The following SKIC3 variants were observed in gnomAD, a reference collection of about 807,000 sequenced individuals.
SKIC3 encodes superkiller complex protein 3.
chr5:95,548,453 G>T, the SKIC3 span: 1 of 151,902 alleles, frequency 6.6e-6, no homozygotes, highest in Admixed American at 6.6e-5. Context: ...TCTACAGCTA[G>T]AACCAGATTC....
At chr5:95,512,665 A>G in the SKIC3 span, 17 of 1,607,896 alleles carry the variant, frequency 1.1e-5, no homozygotes, top group Admixed American at 2.8e-4. Flanking sequence ...TAAATGTGTC[A>G]ATAAAAATTA....
chr5:95,533,352 T>A, the SKIC3 span, among the ~76,000 whole-genome samples: 1 of 152,160 alleles, frequency 6.6e-6, no homozygotes, highest in South Asian at 2.1e-4. Flanking sequence ...CTGTACATAC[T>A]GAAGTACTTT....
At chr5:95,524,977 A>AG in the SKIC3 span, among the ~76,000 whole-genome samples, 1 of 151,928 alleles carries the variant, frequency 6.6e-6, no homozygotes, top group African/African-American at 2.4e-5. Context: ...TCCACCCCCC[A>AG]GGTTCAAGCA....
chr5:95,515,702 TG>T, the SKIC3 span, among the ~76,000 whole-genome samples: 1 of 152,132 alleles, frequency 6.6e-6, no homozygotes, highest in Non-Finnish European at 1.5e-5. Context: ...CAGTCTTTTT[TG>T]CAGGGACTTA....
chr5:95,535,396 C>T, the SKIC3 span, among the ~76,000 whole-genome samples: 1 of 150,556 alleles, frequency 6.6e-6, no homozygotes, highest in African/African-American at 2.4e-5. Context: ...CTGCAACCTC[C>T]GCCTCCCGGG....
chr5:95,484,514 T>A, the SKIC3 span, among the ~76,000 whole-genome samples: 1 of 151,974 alleles, frequency 6.6e-6, no homozygotes, highest in South Asian at 2.1e-4. Context: ...GACCGGTTAA[T>A]TTTTTAATTT....
At chr5:95,524,424 T>C in the SKIC3 span, 2 of 1,610,218 alleles carry the variant, frequency 1.2e-6, no homozygotes, top group Non-Finnish European at 1.7e-6. Context: ...GATTTTATAA[T>C]GCCATTTCAA....
At chr5:95,468,106 T>G in the SKIC3 span, 59 of 1,287,826 alleles carry the variant, frequency 4.6e-5, no homozygotes, top group South Asian at 7.9e-4. Flanking sequence ...AGTGTCTGAT[T>G]ATGATTTTTT....
chr5:95,497,350 A>C, the SKIC3 span: 1 of 1,338,036 alleles, frequency 7.5e-7, no homozygotes. Context: ...CATAGTTTAA[A>C]ATTATCATAT....
At chr5:95,465,991 G>A in the SKIC3 span, among the ~76,000 whole-genome samples, 1 of 152,164 alleles carries the variant, frequency 6.6e-6, no homozygotes, top group African/African-American at 2.4e-5. Context: ...TTTGGAATAT[G>A]TTGATTACAA....
chr5:95,541,248 G>A, the SKIC3 span: 1 of 1,533,444 alleles, frequency 6.5e-7, no homozygotes, highest in Non-Finnish European at 9.0e-7. Context: ...TTACAGGTGT[G>A]AGTCACCGCG....
the SKIC3 span, among the ~76,000 whole-genome samples, chr5:95,496,320 A>G: frequency 9.2e-5 from 14 of 152,096 alleles, no homozygotes; most frequent in African/African-American, 3.4e-4. Context: ...GCCTGGCCCA[A>G]ATGCTAACAA....
the SKIC3 span, among the ~76,000 whole-genome samples, chr5:95,483,668 T>C: frequency 6.6e-6 from 1 of 152,246 alleles, no homozygotes; most frequent in East Asian, 1.9e-4. Flanking sequence ...TAAGCAATTA[T>C]GAAATACGAT....
chr5:95,529,071 T>A, the SKIC3 span: 1 of 1,613,718 alleles, frequency 6.2e-7, no homozygotes, highest in African/African-American at 1.3e-5. Flanking sequence ...GATGATACCA[T>A]CCACTTGTGC....
chr5:95,467,730 A>G, the SKIC3 span: 1 of 1,254,488 alleles, frequency 8.0e-7, no homozygotes, highest in Non-Finnish European at 1.1e-6. Flanking sequence ...CCAAAAAATT[A>G]CACACTCAGT....
chr5:95,537,020 A>C, the SKIC3 span: 1 of 1,606,762 alleles, frequency 6.2e-7, no homozygotes, highest in Non-Finnish European at 8.5e-7. Flanking sequence ...AAGTCACATT[A>C]GAGATTTAAA....
At chr5:95,464,392 G>A in the SKIC3 span, 1 of 494,034 alleles carries the variant, frequency 2.0e-6, no homozygotes, top group South Asian at 2.3e-5. Flanking sequence ...TTTCATTCTG[G>A]TTTTCCCAAA....
At chr5:95,469,967 T>TATTCA in the SKIC3 span, 32 of 1,586,260 alleles carry the variant, frequency 2.0e-5, no homozygotes, top group South Asian at 3.5e-4. Flanking sequence ...ATTTGAAAAG[T>TATTCA]ATTCAATTCA....
chr5:95,497,370 C>A, the SKIC3 span: 1 of 1,440,692 alleles, frequency 6.9e-7, no homozygotes, highest in South Asian at 1.2e-5. Context: ...TTTACCATAT[C>A]ACAAGTTATT....
Sources: gnomAD v4.1 joint callset for allele counts (sites outside exome capture counted in the v4.1 genomes callset) on GRCh38, gnomAD v4.1.1 for gene constraint, MANE v1.5 for transcripts, NCBI Gene and HGNC (gene_info 2026-07-23, HGNC 2026-07-21) for gene names.